Variants in BLOC1S5 observed in about 807,000 individuals in gnomAD.
BLOC1S5 encodes the protein biogenesis of lysosome-related organelles complex 1 subunit 5.
In BLOC1S5, 27 loss-of-function variants were observed where a neutral mutation model predicts 24.3. That is an observed-to-expected ratio of 1.11 (90% CI 0.82 to 1.53). The LOEUF (loss-of-function observed/expected upper bound fraction) is 1.53, where lower values mean the gene tolerates loss of function less well. BLOC1S5 is among the 40% of genes most tolerant of loss of function. BLOC1S5 has a pLI of 0.00. For synonymous variants in BLOC1S5, 84 were observed against 74.5 expected (o/e 1.13, Z -0.66); for missense variants, 239 against 229.4 (o/e 1.04, Z -0.27).
chr6:8,055,425 C>T (rs1561870723), intron 2 of BLOC1S5, among the ~76,000 whole-genome samples: 1 of 152,148 alleles, frequency 6.6e-6, no homozygotes, highest in Non-Finnish European at 1.5e-5. Flanking sequence ...AAGAGTAAGA[C>T]TCTGTCTCAA....
intron 2 of BLOC1S5, among the ~76,000 whole-genome samples, chr6:8,044,058 C>T (rs545504835): frequency 8.5e-5 from 13 of 152,080 alleles, no homozygotes; most frequent in Admixed American, 2.0e-4. Flanking sequence ...CTGAGGTGGG[C>T]GGATCATGAG....
chr6:8,052,806 A>C (rs914239472), intron 2 of BLOC1S5, among the ~76,000 whole-genome samples: 1 of 151,392 alleles, frequency 6.6e-6, no homozygotes, highest in African/African-American at 2.4e-5. Flanking sequence ...GAGGGAGGAG[A>C]ACGGCGTGAG....
intron 4 of BLOC1S5, among the ~76,000 whole-genome samples, chr6:8,024,410 T>C (rs1763036746): frequency 6.7e-6 from 1 of 149,506 alleles, no homozygotes; most frequent in Non-Finnish European, 1.5e-5. Context: ...CCCAGCTACT[T>C]GGGAAGCTGA....
At chr6:8,050,930 T>TA (rs1248292589) in intron 2 of BLOC1S5, among the ~76,000 whole-genome samples, 6 of 151,526 alleles carry the variant, frequency 4.0e-5, no homozygotes, top group Non-Finnish European at 8.8e-5. Context: ...TGAAGGAAAT[T>TA]AAAAATGTTA....
chr6:8,042,569 C>T (rs780919483), intron 2 of BLOC1S5, among the ~76,000 whole-genome samples: 9 of 152,278 alleles, frequency 5.9e-5, no homozygotes, highest in Non-Finnish European at 1.2e-4. Context: ...CAGCCCAAGA[C>T]GGCTTTGAAT....
At chr6:8,033,139 T>C (rs1467947919) in intron 3 of BLOC1S5, among the ~76,000 whole-genome samples, 2 of 152,194 alleles carry the variant, frequency 1.3e-5, no homozygotes, top group South Asian at 2.1e-4. Context: ...TTAAACTTCA[T>C]ATGGAACCAA....
Position 8,038,578 on chromosome 6 carries a change from G to A in BLOC1S5, c.325+2561C>T, listed in dbSNP as rs528159894. Among the ~76,000 whole-genome samples the A allele has an allele frequency of 2.7e-3, 417 of 152,246 alleles. 1 individual carries two copies. Among genetic ancestry groups the A allele is most frequent in the African/African-American group, 9.5e-3 (394 of 41,536 alleles). ...TGGCTCACTGCAAGCTCTGTCTCCC[G>A]GGTTCACGCCATTCTCCTGCCTCAG... On this transcript the variant is annotated intron_variant, in intron 3 of 4. Transcript: ENST00000397457.
chr6:8,047,158 T>TCACACA (rs1431175705), intron 2 of BLOC1S5, among the ~76,000 whole-genome samples: 5 of 58,054 alleles, frequency 8.6e-5, no homozygotes, highest in Admixed American at 3.4e-4. Flanking sequence ...TCTCTCTCTC[T>TCACACA]CTCACACACA....
intron 2 of BLOC1S5, among the ~76,000 whole-genome samples, chr6:8,053,396 C>T (rs1290534836): frequency 6.6e-6 from 1 of 152,178 alleles, no homozygotes; most frequent in Admixed American, 6.5e-5. Flanking sequence ...CAACCTTCTG[C>T]AACCACCACC....
At chr6:8,057,354 T>C (rs148016290) in intron 2 of BLOC1S5, among the ~76,000 whole-genome samples, 2 of 152,240 alleles carry the variant, frequency 1.3e-5, no homozygotes, top group Non-Finnish European at 2.9e-5. Context: ...TGCTGATATT[T>C]TTAACTGAGG....
chr6:8,020,697 T>C (rs944467861), intron 4 of BLOC1S5, among the ~76,000 whole-genome samples: 45 of 152,310 alleles, frequency 3.0e-4, no homozygotes, highest in African/African-American at 1.0e-3. Context: ...ATTTTTACAC[T>C]GGCATTGTTT....
intron 4 of BLOC1S5, among the ~76,000 whole-genome samples, chr6:8,024,514 C>CAAAAAAA (rs60853006): frequency 2.7e-4 from 18 of 65,732 alleles, no homozygotes; most frequent in Non-Finnish European, 3.4e-4. Context: ...GACTCCATCT[C>CAAAAAAA]AAAAAAAAAA....
At chr6:8,027,966 G>A (rs1369095934) in intron 3 of BLOC1S5, among the ~76,000 whole-genome samples, 5 of 152,036 alleles carry the variant, frequency 3.3e-5, no homozygotes, top group Non-Finnish European at 7.4e-5. Flanking sequence ...CCAGTTCAAG[G>A]TTTACTGTCT....
At chr6:8,038,942 T>A (rs1763587254) in intron 3 of BLOC1S5, among the ~76,000 whole-genome samples, 2 of 152,226 alleles carry the variant, frequency 1.3e-5, no homozygotes. Context: ...AACTACCATA[T>A]GATCCAGCAA....
chr6:8,020,696 C>A (rs189029199), intron 4 of BLOC1S5, among the ~76,000 whole-genome samples: 14 of 152,146 alleles, frequency 9.2e-5, no homozygotes, highest in African/African-American at 3.4e-4. Flanking sequence ...CATTTTTACA[C>A]TGGCATTGTT....
intron 2 of BLOC1S5, among the ~76,000 whole-genome samples, chr6:8,057,149 G>A (rs1255421716): frequency 6.6e-6 from 1 of 152,060 alleles, no homozygotes; most frequent in Non-Finnish European, 1.5e-5. Context: ...AATCTGGGAG[G>A]GGGAGGTTAC....
chr6:8,046,900 C>T (rs1252097448), intron 2 of BLOC1S5, among the ~76,000 whole-genome samples: 1 of 151,318 alleles, frequency 6.6e-6, no homozygotes, highest in African/African-American at 2.4e-5. Flanking sequence ...CTCAGCCTCC[C>T]AATAGCTGGG....
intron 2 of BLOC1S5, among the ~76,000 whole-genome samples, chr6:8,053,874 G>A (rs1331926318): frequency 6.6e-6 from 1 of 151,922 alleles, no homozygotes; most frequent in Non-Finnish European, 1.5e-5. Context: ...TAGAAAAGTT[G>A]GTGTTCTTGT....
chr6:8,015,405 C>G lies in BLOC1S5; in HGVS notation c.*244G>C. 1 of 428,902 alleles carries G rather than the reference C, an allele frequency of 2.3e-6. No homozygotes were observed. Among genetic ancestry groups the G allele is most frequent in the East Asian group, 3.7e-5 (1 of 26,856 alleles). The allele number at this position is 428,902 out of a possible 1,614,324, so 26.6% of individuals were successfully genotyped here. The stretch of plus-strand genomic sequence containing the variant: ...CTGACTAACAAAGAGTATATTGATT[C>G]CATTTTCCTTCCTACTCCTCTTCAT... On this transcript the variant is annotated 3_prime_UTR_variant, in exon 5 of 5. Transcript: ENST00000397457.
Sources: allele counts gnomAD v4.1 joint callset (sites outside exome capture counted in the v4.1 genomes callset), GRCh38; gene constraint gnomAD v4.1.1; transcripts MANE v1.5; gene names NCBI Gene and HGNC (gene_info 2026-07-23, HGNC 2026-07-21).